RLN2: variants seen among roughly 807,000 people sequenced by gnomAD.
RLN2 encodes the protein relaxin 2.
A neutral mutation model predicts 7.3 loss-of-function variants in RLN2; 10 were observed. The ratio of observed to expected loss-of-function variants is 1.36; its 90% confidence interval spans 0.84 to 2.31. The LOEUF is 2.31. Ranked by LOEUF, RLN2 falls within the 30% of genes most tolerant of loss-of-function variation. The probability of loss-of-function intolerance (pLI) is 0.00; values close to 1 mark genes in which losing one functional copy is unlikely to be tolerated. For synonymous variants in RLN2, 103 were observed against 82.3 expected (o/e 1.25, Z -1.36); for missense variants, 298 against 217.6 (o/e 1.37, Z -2.32).
chr9:5,332,699 T>A, the RLN2 span, among the ~76,000 whole-genome samples: 1 of 151,718 alleles, frequency 6.6e-6, no homozygotes, highest in Non-Finnish European at 1.5e-5. Flanking sequence ...CTCAGCTTAC[T>A]GCAACTCCCG....
chr9:5,305,412 GA>G (rs1563736602), upstream of RLN2, among the ~76,000 whole-genome samples: 48 of 150,474 alleles, frequency 3.2e-4, 1 homozygote, highest in South Asian at 2.1e-4. Flanking sequence ...CAGAGAGAGA[GA>G]GAGAGAGAGA....
the RLN2 span, among the ~76,000 whole-genome samples, chr9:5,329,830 T>C: frequency 2.0e-5 from 3 of 151,886 alleles, no homozygotes; most frequent in East Asian, 5.8e-4. Flanking sequence ...AACACCCCAC[T>C]GTCAATAATA....
chr9:5,321,609 G>T, the RLN2 span, among the ~76,000 whole-genome samples: 1 of 151,896 alleles, frequency 6.6e-6, no homozygotes, highest in Non-Finnish European at 1.5e-5. Context: ...AAGGAGGGAT[G>T]GAGGGAAGGG....
At chr9:5,304,990 C>T, upstream of RLN2, 1 of 179,242 alleles carries the variant, frequency 5.6e-6, no homozygotes, top group Non-Finnish European at 1.2e-5. Context: ...ATTCTTACAA[C>T]TCAGTTTTCT....
Position 5,300,230 on chromosome 9 carries a change from G to C in RLN2, c.426C>G (p.Asp142Glu). 6.2e-7 allele frequency: 1 copy of C among 1,613,926 alleles called. No individual in the cohort carries two copies. The highest frequency in any genetic ancestry group is 1.1e-5 in the South Asian group (1 of 91,068). ...AGTATTTTAATTCTGAAGGACTGCTGTCTGCGGCTTCACTTTGTCTATTGC... is the reference window on the plus strand; with the variant it reads ...AGTATTTTAATTCTGAAGGACTGCTCTCTGCGGCTTCACTTTGTCTATTGC... ...LIRNRQSEAADSSPSELKYLG... is the reference protein window; with the variant it reads ...LIRNRQSEAAESSPSELKYLG... Residue 142 changes from aspartate to glutamate, a missense_variant, in exon 2 of 2, where the codon GAC becomes GAG. Coordinates refer to ENST00000381627, the MANE Select transcript of RLN2 (RefSeq NM_134441.3).
the RLN2 span, among the ~76,000 whole-genome samples, chr9:5,316,919 A>G: frequency 6.6e-6 from 1 of 152,200 alleles, no homozygotes; most frequent in Non-Finnish European, 1.5e-5. Context: ...ATGTAAAAAT[A>G]TGTAAATTGT....
At chr9:5,331,299 T>C in the RLN2 span, among the ~76,000 whole-genome samples, 1 of 152,058 alleles carries the variant, frequency 6.6e-6, no homozygotes, top group East Asian at 1.9e-4. Context: ...AAAAAAGAGA[T>C]TTTAGGCCAA....
the RLN2 span, among the ~76,000 whole-genome samples, chr9:5,335,771 C>A: frequency 2.6e-5 from 4 of 152,006 alleles, no homozygotes; most frequent in Non-Finnish European, 5.9e-5. Context: ...TACAGTTGGA[C>A]ACCTTAAAGT....
the RLN2 span, among the ~76,000 whole-genome samples, chr9:5,324,435 A>T: frequency 6.6e-6 from 1 of 152,098 alleles, no homozygotes; most frequent in Admixed American, 6.6e-5. Flanking sequence ...AAAATGATTT[A>T]AAAATCAGAC....
chr9:5,327,497 C>T, the RLN2 span, among the ~76,000 whole-genome samples: 3 of 152,096 alleles, frequency 2.0e-5, no homozygotes, highest in Non-Finnish European at 4.4e-5. Context: ...CAAAAGGCAG[C>T]AGACAACTTC....
At chr9:5,334,122 C>T in the RLN2 span, among the ~76,000 whole-genome samples, 1 of 152,022 alleles carries the variant, frequency 6.6e-6, no homozygotes, top group Non-Finnish European at 1.5e-5. Flanking sequence ...GACAAGGATG[C>T]CCTCTCTCAC....
the RLN2 span, among the ~76,000 whole-genome samples, chr9:5,327,177 G>C: frequency 1.3e-5 from 2 of 151,994 alleles, no homozygotes; most frequent in African/African-American, 2.4e-5. Context: ...CTGGAGAAAG[G>C]GTACACTCAT....
the RLN2 span, among the ~76,000 whole-genome samples, chr9:5,327,356 T>C: frequency 6.6e-6 from 1 of 152,004 alleles, no homozygotes; most frequent in Non-Finnish European, 1.5e-5. Flanking sequence ...GCATCCACCA[T>C]TGCTGAGGCT....
the RLN2 span, among the ~76,000 whole-genome samples, chr9:5,324,524 G>T: frequency 1.3e-5 from 2 of 151,928 alleles, no homozygotes; most frequent in African/African-American, 2.4e-5. Flanking sequence ...GATGGTCCCT[G>T]TATTTCTAAT....
chr9:5,326,745 G>T, the RLN2 span, among the ~76,000 whole-genome samples: 2 of 152,102 alleles, frequency 1.3e-5, no homozygotes, highest in East Asian at 3.9e-4. Flanking sequence ...GTAAAAGGAG[G>T]ACAGGAAAAT....
At chr9:5,317,498 G>C in the RLN2 span, among the ~76,000 whole-genome samples, 171 of 149,816 alleles carry the variant, frequency 1.1e-3, 1 homozygote, top group South Asian at 5.7e-3. Flanking sequence ...AGAGCTCTGA[G>C]GGAGAACTGG....
At chr9:5,305,418 G>GAA (rs1816230600), upstream of RLN2, among the ~76,000 whole-genome samples, 1 of 150,998 alleles carries the variant, frequency 6.6e-6, no homozygotes, top group African/African-American at 2.4e-5. Context: ...GAGAGAGAGA[G>GAA]AGAGAGAGAA....
the RLN2 span, among the ~76,000 whole-genome samples, chr9:5,323,360 T>C: frequency 7.3e-4 from 111 of 152,064 alleles, 1 homozygote; most frequent in Non-Finnish European, 1.2e-3. Flanking sequence ...ACAGAAGCAA[T>C]TTTCCCTCTC....
the RLN2 span, among the ~76,000 whole-genome samples, chr9:5,310,467 T>A: frequency 6.6e-6 from 1 of 151,998 alleles, no homozygotes; most frequent in Non-Finnish European, 1.5e-5. Flanking sequence ...AACATTCCAT[T>A]GAAGTTCCAT....
Sources: allele counts gnomAD v4.1 joint callset (sites outside exome capture counted in the v4.1 genomes callset), GRCh38; gene constraint gnomAD v4.1.1; transcripts MANE v1.5; gene names NCBI Gene and HGNC (gene_info 2026-07-23, HGNC 2026-07-21).